Variants in NLGN4X observed in about 807,000 individuals in gnomAD.
The protein encoded by NLGN4X is neuroligin 4 X-linked.
A neutral mutation model predicts 40.3 loss-of-function variants in NLGN4X; 3 were observed. The observed-to-expected ratio is 0.07, with a 90% CI of 0.03 to 0.19. The LOEUF (loss-of-function observed/expected upper bound fraction) is 0.19. Among genes scored for constraint, NLGN4X ranks in the 10% least tolerant of loss-of-function variants. The pLI, the probability that NLGN4X is intolerant of heterozygous loss-of-function variation, is 1.00. For synonymous variants in NLGN4X, 270 were observed against 306.8 expected (o/e 0.88, Z 1.25); for missense variants, 382 against 708.3 (o/e 0.54, Z 5.23).
At chrX:6,021,852 ACTGCATGGACCC>A (rs1354020821) in intron 3 of NLGN4X, among the ~76,000 whole-genome samples, 2 of 109,472 alleles carry the variant, frequency 1.8e-5, no homozygotes, top group Admixed American at 2.0e-4. Context: ...TGTGTTATCT[ACTGCATGGACCC>A]CTGCCAACTC....
chrX:5,994,594 T>C (rs1202293863), intron 3 of NLGN4X, among the ~76,000 whole-genome samples: 1 of 112,296 alleles, frequency 8.9e-6, no homozygotes, highest in Non-Finnish European at 1.9e-5. Flanking sequence ...GCTAGTAGCA[T>C]GCAAACAATT....
At chrX:6,088,131 T>C (rs1473648214) in intron 2 of NLGN4X, among the ~76,000 whole-genome samples, 2 of 112,636 alleles carry the variant, frequency 1.8e-5, no homozygotes, top group East Asian at 2.8e-4. Context: ...TGGTACCCTT[T>C]GGAAATTGGC....
chrX:6,218,726 A>G (rs1350474734), intron 1 of NLGN4X, among the ~76,000 whole-genome samples: 2 of 111,986 alleles, frequency 1.8e-5, no homozygotes, highest in Non-Finnish European at 3.8e-5. Flanking sequence ...AAACACTTTC[A>G]AGTATCTTCA....
chrX:6,214,172 G>A (rs1408036789), intron 1 of NLGN4X, among the ~76,000 whole-genome samples: 2 of 111,975 alleles, frequency 1.8e-5, no homozygotes, highest in Non-Finnish European at 3.8e-5. Context: ...TGTCAGGAGT[G>A]GAGTGGGCTT....
intron 3 of NLGN4X, among the ~76,000 whole-genome samples, chrX:5,917,317 A>G (rs2032849185): frequency 8.9e-6 from 1 of 112,522 alleles, no homozygotes; most frequent in South Asian, 3.6e-4. Context: ...GAACCTGGCC[A>G]TCTCTTTCTA....
intron 1 of NLGN4X, among the ~76,000 whole-genome samples, chrX:6,220,071 C>A (rs1422171309): frequency 1.9e-5 from 2 of 107,159 alleles, no homozygotes; most frequent in Non-Finnish European, 3.9e-5. Flanking sequence ...TTCCTATATT[C>A]TTTTTAAAAT....
At chrX:5,900,481 C>T (rs1466008303) in intron 5 of NLGN4X, among the ~76,000 whole-genome samples, 1 of 108,917 alleles carries the variant, frequency 9.2e-6, no homozygotes, top group Non-Finnish European at 1.9e-5. Flanking sequence ...GCCCTGCAAG[C>T]ACCTTCATTT....
intron 3 of NLGN4X, among the ~76,000 whole-genome samples, chrX:5,940,127 C>A (rs2033873334): frequency 9.1e-6 from 1 of 109,762 alleles, no homozygotes; most frequent in Non-Finnish European, 1.9e-5. Context: ...CATTTCTTAT[C>A]CAGTACTAGA....
intron 2 of NLGN4X, among the ~76,000 whole-genome samples, chrX:6,039,194 G>A (rs2037096612): frequency 9.0e-6 from 1 of 111,129 alleles, no homozygotes. Context: ...CCAAGACTGG[G>A]ACTCAAATCC....
intron 1 of NLGN4X, among the ~76,000 whole-genome samples, chrX:6,201,928 T>C (rs1923654266): frequency 9.0e-6 from 1 of 111,228 alleles, no homozygotes; most frequent in Admixed American, 9.6e-5. Flanking sequence ...CAAAGCTACA[T>C]AGGACAGTAC....
intron 1 of NLGN4X, among the ~76,000 whole-genome samples, chrX:6,167,069 CAAAA>C (rs869227439): frequency 5.1e-5 from 3 of 59,258 alleles, no homozygotes; most frequent in Admixed American, 2.0e-4. Flanking sequence ...GAAACTGTCT[CAAAA>C]AAAAAAAAAA....
chrX:5,906,334 C>A (rs1232717282), intron 4 of NLGN4X, among the ~76,000 whole-genome samples: 1 of 111,062 alleles, frequency 9.0e-6, no homozygotes, highest in Admixed American at 9.6e-5. Flanking sequence ...GTCTCATGGG[C>A]AAAACATTAT....
intron 1 of NLGN4X, among the ~76,000 whole-genome samples, chrX:6,160,154 A>T (rs180994681): frequency 8.9e-6 from 1 of 112,135 alleles, no homozygotes; most frequent in African/African-American, 3.2e-5. Context: ...GCATAATTGG[A>T]AAGTCTGTAA....
chrX:5,941,569 A>T (rs1362071237), intron 3 of NLGN4X, among the ~76,000 whole-genome samples: 1 of 112,323 alleles, frequency 8.9e-6, no homozygotes, highest in African/African-American at 3.2e-5. Context: ...GTAGCTAAGA[A>T]CACAGATTCC....
At chrX:6,109,221 G>C (rs1033867036) in intron 2 of NLGN4X, among the ~76,000 whole-genome samples, 1 of 111,509 alleles carries the variant, frequency 9.0e-6, no homozygotes, top group Non-Finnish European at 1.9e-5. Flanking sequence ...AGCTATGATT[G>C]CACCACTGCA....
At chrX:6,003,984 G>A (rs1218234378) in intron 3 of NLGN4X, among the ~76,000 whole-genome samples, 5 of 112,498 alleles carry the variant, frequency 4.4e-5, no homozygotes, top group African/African-American at 1.6e-4. Context: ...GTAGAGCAGC[G>A]AGTGAGCAGG....
chrX:6,222,575 A>G (rs1288629144), intron 1 of NLGN4X, among the ~76,000 whole-genome samples: 1 of 112,344 alleles, frequency 8.9e-6, no homozygotes, highest in Non-Finnish European at 1.9e-5. Context: ...GTATTCCTCA[A>G]CTAATGAGGA....
At chrX:6,221,447 T>G (rs1370038713) in intron 1 of NLGN4X, among the ~76,000 whole-genome samples, 1 of 93,141 alleles carries the variant, frequency 1.1e-5, no homozygotes, top group Non-Finnish European at 2.1e-5. Context: ...TTATCTAATG[T>G]GTTGCAATGG....
At chrX:5,983,068 T>C (rs1370134887) in intron 3 of NLGN4X, among the ~76,000 whole-genome samples, 2 of 112,321 alleles carry the variant, frequency 1.8e-5, no homozygotes, top group African/African-American at 6.5e-5. Context: ...CAATCTAATA[T>C]ACTTGCCTTT....
Sources: gnomAD v4.1 joint callset for allele counts (sites outside exome capture counted in the v4.1 genomes callset) on GRCh38, gnomAD v4.1.1 for gene constraint, MANE v1.5 for transcripts, NCBI Gene and HGNC (gene_info 2026-07-23, HGNC 2026-07-21) for gene names.